EYA1: variants seen among roughly 807,000 people sequenced by gnomAD.
EYA1 encodes the protein protein phosphatase EYA1.
EYA1 carries 16 observed loss-of-function variants against 82.0 expected under a neutral mutation model. The ratio of observed to expected loss-of-function variants is 0.20; its 90% CI spans 0.13 to 0.30. The LOEUF (loss-of-function observed/expected upper bound fraction) is 0.30, where lower values mean the gene tolerates loss of function less well. EYA1 is among the 10% of genes least tolerant of loss of function. The pLI is 1.00. For synonymous variants in EYA1, 261 were observed against 264.4 expected (o/e 0.99, Z 0.12); for missense variants, 633 against 730.7 (o/e 0.87, Z 1.54).
chr8:71,432,034 A>C (rs543754856), intron 2 of EYA1, among the ~76,000 whole-genome samples: 1 of 152,326 alleles, frequency 6.6e-6, no homozygotes, highest in South Asian at 2.1e-4. Context: ...CAGTTACACA[A>C]GATTTTCAAG....
At chr8:71,488,239 CAT>C (rs1387120488) in intron 2 of EYA1, among the ~76,000 whole-genome samples, 1 of 151,024 alleles carries the variant, frequency 6.6e-6, no homozygotes, top group African/African-American at 2.4e-5. Context: ...GATAAATATA[CAT>C]CATGATATAA....
chr8:71,226,198 AAC>A (rs1810532771), intron 12 of EYA1, among the ~76,000 whole-genome samples: 1 of 150,490 alleles, frequency 6.6e-6, no homozygotes, highest in African/African-American at 2.5e-5. Context: ...AGATTGCATG[AAC>A]ACATGTTTTT....
At chr8:71,393,160 T>C (rs954239848) in intron 2 of EYA1, among the ~76,000 whole-genome samples, 1 of 152,182 alleles carries the variant, frequency 6.6e-6, no homozygotes, top group African/African-American at 2.4e-5. Context: ...ATATTCACTG[T>C]AAAATATGCA....
intron 2 of EYA1, among the ~76,000 whole-genome samples, chr8:71,439,603 G>T (rs1386639686): frequency 6.6e-6 from 1 of 152,194 alleles, no homozygotes; most frequent in Non-Finnish European, 1.5e-5. Flanking sequence ...GCCATTCATG[G>T]CATTATTTGG....
intron 12 of EYA1, among the ~76,000 whole-genome samples, chr8:71,239,862 C>T (rs757274594): frequency 2.0e-5 from 3 of 152,120 alleles, no homozygotes; most frequent in Non-Finnish European, 4.4e-5. Context: ...TATATTTTCC[C>T]AACTTGAGAA....
intron 2 of EYA1, among the ~76,000 whole-genome samples, chr8:71,432,641 T>C (rs1032489166): frequency 6.6e-6 from 1 of 152,200 alleles, no homozygotes; most frequent in African/African-American, 2.4e-5. Context: ...ACAGTTATAT[T>C]GGATCAGGAC....
intron 11 of EYA1, among the ~76,000 whole-genome samples, chr8:71,258,818 CG>C (rs1056972994): frequency 2.0e-5 from 3 of 152,080 alleles, no homozygotes; most frequent in African/African-American, 7.2e-5. Flanking sequence ...GTTTTGAAGG[CG>C]GTATGTATTT....
intron 2 of EYA1, among the ~76,000 whole-genome samples, chr8:71,387,950 C>T (rs1046363644): frequency 2.0e-5 from 3 of 152,124 alleles, no homozygotes; most frequent in Admixed American, 6.6e-5. Context: ...AGTAGGAGAA[C>T]TCATAGACTA....
intron 2 of EYA1, among the ~76,000 whole-genome samples, chr8:71,476,159 T>G (rs1809644799): frequency 6.6e-6 from 1 of 152,160 alleles, no homozygotes; most frequent in African/African-American, 2.4e-5. Flanking sequence ...CCATGTGATA[T>G]TCTCCAAGTC....
At chr8:71,281,341 C>T (rs1276382185) in intron 9 of EYA1, among the ~76,000 whole-genome samples, 4 of 152,204 alleles carry the variant, frequency 2.6e-5, no homozygotes, top group Admixed American at 6.5e-5. Context: ...TCCCACCATT[C>T]GGCACCTTTC....
intron 3 of EYA1, among the ~76,000 whole-genome samples, chr8:71,335,838 T>A (rs535138691): frequency 3.2e-4 from 48 of 152,022 alleles, no homozygotes; most frequent in African/African-American, 1.1e-3. Flanking sequence ...TAATGCCCCA[T>A]ACACATAAAG....
intron 2 of EYA1, among the ~76,000 whole-genome samples, chr8:71,527,767 C>T (rs924779994): frequency 6.6e-6 from 1 of 152,206 alleles, no homozygotes; most frequent in Non-Finnish European, 1.5e-5. Flanking sequence ...TCCTGGGACT[C>T]TGTTCCATAT....
upstream of EYA1, among the ~76,000 whole-genome samples, chr8:71,363,408 G>T: frequency 6.6e-6 from 1 of 151,920 alleles, no homozygotes; most frequent in Non-Finnish European, 1.5e-5. Flanking sequence ...GAATTCCTCA[G>T]AAAAGAACAC....
intron 1 of EYA1, among the ~76,000 whole-genome samples, chr8:71,544,333 A>G (rs1586920123): frequency 6.6e-6 from 1 of 152,220 alleles, no homozygotes; most frequent in Admixed American, 6.5e-5. Flanking sequence ...GGCAGGAATC[A>G]TCCGAAACAT....
At chr8:71,267,967 C>T (rs1816066854) in intron 11 of EYA1, among the ~76,000 whole-genome samples, 1 of 152,292 alleles carries the variant, frequency 6.6e-6, no homozygotes, top group African/African-American at 2.4e-5. Flanking sequence ...AAAAATTAAA[C>T]TCATGGTATT....
At chr8:71,433,970 G>T (rs1410006861) in intron 2 of EYA1, among the ~76,000 whole-genome samples, 1 of 152,208 alleles carries the variant, frequency 6.6e-6, no homozygotes, top group South Asian at 2.1e-4. Flanking sequence ...AAGAAAGATA[G>T]TGGCTTGCAC....
At chr8:71,378,117 T>C (rs576657835) in intron 2 of EYA1, among the ~76,000 whole-genome samples, 16 of 152,240 alleles carry the variant, frequency 1.1e-4, no homozygotes, top group African/African-American at 3.9e-4. Context: ...CCATCTCTAA[T>C]ATAACAAAGC....
intron 17 of EYA1, among the ~76,000 whole-genome samples, chr8:71,200,484 TATCTGTTGAA>T (rs1478410798): frequency 3.9e-5 from 6 of 152,248 alleles, no homozygotes; most frequent in Admixed American, 3.3e-4. Flanking sequence ...TGCCTCAGAT[TATCTGTTGAA>T]ATCACATACC....
rs775343638 is a variant in EYA1, at chr8:71,199,402, T to C, written c.1717A>G (p.Arg573Gly). The C allele has an allele frequency of 1.2e-6, 2 of 1,612,912 alleles. No individual in the cohort carries two copies. Among genetic ancestry groups the C allele is most frequent in the Non-Finnish European group, 1.7e-6 (2 of 1,179,638 alleles). ...GAKKHAMPFW[R>G]ISSHSDLMAL... is the part of the protein sequence containing the mutation. ...ATGAGGTCCGAGTGGCTGGAGATCCTCCAGAAGGGCATCGCGTGCTGCAGC... is the reference window on the plus strand; with the variant it reads ...ATGAGGTCCGAGTGGCTGGAGATCCCCCAGAAGGGCATCGCGTGCTGCAGC... The change falls in exon 18 of 18, where the codon AGG becomes GGG. Residue 573 changes from arginine (R) to glycine (G), a missense_variant. Transcript: ENST00000340726.
Sources: gnomAD v4.1 joint callset for allele counts (sites outside exome capture counted in the v4.1 genomes callset) on GRCh38, gnomAD v4.1.1 for gene constraint, MANE v1.5 for transcripts, NCBI Gene and HGNC (gene_info 2026-07-23, HGNC 2026-07-21) for gene names.